Variants in IFT88 observed in about 807,000 individuals in gnomAD.
IFT88 encodes the protein intraflagellar transport 88, also known as intraflagellar transport protein 88 homolog.
Under a neutral mutation model 119.5 loss-of-function variants are expected in IFT88, and 74 were observed. That is an observed-to-expected ratio of 0.62 (90% CI 0.51 to 0.75). The LOEUF (loss-of-function observed/expected upper bound fraction) is 0.75, where lower values mean the gene tolerates loss of function less well. Among genes scored for constraint, IFT88 ranks in the 30% least tolerant of loss-of-function variants. IFT88 has a pLI of 0.00. For synonymous variants in IFT88, 279 were observed against 316.7 expected (o/e 0.88, Z 1.26); for missense variants, 961 against 977.7 (o/e 0.98, Z 0.23).
intron 7 of IFT88, among the ~76,000 whole-genome samples, chr13:20,594,919 C>G (rs1041321185): frequency 6.6e-6 from 1 of 152,144 alleles, no homozygotes; most frequent in Non-Finnish European, 1.5e-5. Context: ...GAACTACTAT[C>G]TATTCTGATA....
intron 20 of IFT88, among the ~76,000 whole-genome samples, chr13:20,645,193 G>A (rs1001249752): frequency 6.6e-6 from 1 of 152,044 alleles, no homozygotes; most frequent in South Asian, 2.1e-4. Flanking sequence ...AGGTTCAAGC[G>A]ATTCTCCTGC....
At chr13:20,633,075 A>T (rs2048449960) in intron 16 of IFT88, among the ~76,000 whole-genome samples, 1 of 152,176 alleles carries the variant, frequency 6.6e-6, no homozygotes, top group Admixed American at 6.5e-5. Flanking sequence ...GAGGGTGCTG[A>T]TTGGGGGAAA....
intron 12 of IFT88, 124 bp downstream of exon 12, chr13:20,602,057 A>G: frequency 3.3e-6 from 2 of 612,152 alleles, no homozygotes; most frequent in Non-Finnish European, 5.9e-6. Flanking sequence ...AATGTGTTTT[A>G]TTATTGATGT....
chr13:20,589,107 T>C (rs2040227074), intron 3 of IFT88, among the ~76,000 whole-genome samples: 1 of 152,198 alleles, frequency 6.6e-6, no homozygotes, highest in Non-Finnish European at 1.5e-5. Flanking sequence ...TTTCAGACCT[T>C]GTAATTCTTC....
chr13:20,650,421 C>A (rs947495039), intron 20 of IFT88, among the ~76,000 whole-genome samples: 3 of 152,136 alleles, frequency 2.0e-5, no homozygotes, highest in African/African-American at 7.2e-5. Context: ...AAATTCAACA[C>A]CGCTTTGTGA....
chr13:20,646,176 C>T (rs184690627), intron 20 of IFT88, among the ~76,000 whole-genome samples: 55 of 152,302 alleles, frequency 3.6e-4, no homozygotes, highest in Admixed American at 6.5e-4. Context: ...TTCTTTCCAT[C>T]ACTATTCTAG....
chr13:20,570,672 C>G (rs1326046952), intron 1 of IFT88, among the ~76,000 whole-genome samples: 1 of 40,286 alleles, frequency 2.5e-5, no homozygotes, highest in Non-Finnish European at 6.1e-5. Flanking sequence ...TCCATAGAGA[C>G]AGAAAATGGT....
chr13:20,677,505 T>C (rs1362052954), intron 24 of IFT88, among the ~76,000 whole-genome samples: 3 of 152,172 alleles, frequency 2.0e-5, no homozygotes, highest in Admixed American at 6.5e-5. Flanking sequence ...CTCTTAACTT[T>C]GGAAAGGGAC....
intron 12 of IFT88, among the ~76,000 whole-genome samples, 180 bp downstream of exon 12, chr13:20,602,113 A>G (rs1490182680): frequency 6.6e-6 from 1 of 152,074 alleles, no homozygotes; most frequent in East Asian, 1.9e-4. Context: ...ACTCTATTGA[A>G]ATGGGGTAGA....
At chr13:20,595,666 A>G (rs774669359) in intron 7 of IFT88, among the ~76,000 whole-genome samples, 36 of 152,200 alleles carry the variant, frequency 2.4e-4, no homozygotes, top group Non-Finnish European at 7.3e-5. Flanking sequence ...AAACAGTACT[A>G]CATTTGCTCT....
intron 4 of IFT88, 28 bp from the exon 5 acceptor site, chr13:20,590,939 T>C (rs775903266): frequency 6.5e-7 from 1 of 1,545,832 alleles, no homozygotes; most frequent in Admixed American, 1.9e-5. Context: ...TTTAGGAATC[T>C]TTTTAACTTA....
Position 20,641,386 on chromosome 13 carries a change from A to G in IFT88, c.1670A>G (p.Gln557Arg). Residue 557 changes from glutamine (Q) to arginine (R), a missense_variant, in exon 18 of 26, where the codon CAG (glutamine) becomes CGG (arginine). Physicochemically the swap from Gln to Arg is conservative, Grantham distance 43. Transcript: ENST00000351808. ...CGAAACAGTGCCGAAGTTCTTTACC[A>G]GATAGCAAATATGTATCTTATTTGA... The part of the protein sequence containing the change: ...ILRNSAEVLY[Q>R]IANIYELMEN... 1 of 1,604,684 alleles carries G rather than the reference A, an allele frequency of 6.2e-7. No homozygotes were observed. The highest frequency in any genetic ancestry group is 1.7e-5 in the Admixed American group (1 of 59,930).
At chr13:20,647,372 T>C (rs2050909515) in intron 20 of IFT88, among the ~76,000 whole-genome samples, 1 of 152,206 alleles carries the variant, frequency 6.6e-6, no homozygotes, top group Non-Finnish European at 1.5e-5. Context: ...TTTTGAGAAG[T>C]GAGAGTATTA....
chr13:20,669,483 G>T (rs1327976985), intron 23 of IFT88, among the ~76,000 whole-genome samples: 2 of 150,916 alleles, frequency 1.3e-5, no homozygotes, highest in Non-Finnish European at 2.9e-5. Context: ...GCATACAATG[G>T]TGTGATCTCG....
intron 12 of IFT88, among the ~76,000 whole-genome samples, chr13:20,604,300 G>A (rs1332533030): frequency 2.0e-5 from 3 of 151,996 alleles, no homozygotes; most frequent in Non-Finnish European, 1.5e-5. Flanking sequence ...CTGGGCAAAT[G>A]TTAATTATTA....
chr13:20,655,259 C>A (rs935059357), intron 21 of IFT88, among the ~76,000 whole-genome samples: 4 of 151,820 alleles, frequency 2.6e-5, no homozygotes, highest in African/African-American at 4.8e-5. Flanking sequence ...TGGTGAAACC[C>A]CATCTCTACT....
chr13:20,585,376 T>C (rs1379897189), intron 3 of IFT88, among the ~76,000 whole-genome samples: 3 of 152,218 alleles, frequency 2.0e-5, no homozygotes, highest in Non-Finnish European at 4.4e-5. Context: ...AAGAGATGCA[T>C]AGAGCAGGGC....
chr13:20,682,657 G>A (rs112992650), intron 24 of IFT88, among the ~76,000 whole-genome samples: 122 of 152,300 alleles, frequency 8.0e-4, no homozygotes, highest in African/African-American at 2.8e-3. Flanking sequence ...TCGAGAAATC[G>A]AGTTTTGTAA....
intron 23 of IFT88, among the ~76,000 whole-genome samples, chr13:20,669,652 G>A (rs1415017856): frequency 6.6e-6 from 1 of 151,978 alleles, no homozygotes; most frequent in African/African-American, 2.4e-5. Flanking sequence ...TTGAACTCCT[G>A]ACCTCAGGTA....
Sources: gnomAD v4.1 joint callset for allele counts (sites outside exome capture counted in the v4.1 genomes callset) on GRCh38, gnomAD v4.1.1 for gene constraint, MANE v1.5 for transcripts, NCBI Gene and HGNC (gene_info 2026-07-23, HGNC 2026-07-21) for gene names.